PARPBP: variants seen among roughly 807,000 people sequenced by gnomAD.
PARPBP encodes the protein PARP1 binding protein.
PARPBP carries 52 observed loss-of-function variants against 50.0 expected under a neutral mutation model. The observed-to-expected ratio is 1.04, with a 90% CI of 0.83 to 1.31. PARPBP has a LOEUF of 1.31. PARPBP is among the 50% of genes most tolerant of loss of function. The probability of loss-of-function intolerance (pLI) is 0.00; values close to 1 mark genes in which losing one functional copy is unlikely to be tolerated. For missense variants in PARPBP, 697 were observed against 672.0 expected (o/e 1.04, Z -0.41); for synonymous variants, 244 against 232.1 (o/e 1.05, Z -0.47).
chr12:102,140,949 T>C (rs1884489156), intron 2 of PARPBP, among the ~76,000 whole-genome samples: 1 of 152,236 alleles, frequency 6.6e-6, no homozygotes, highest in African/African-American at 2.4e-5. Flanking sequence ...CTGAGAAGAA[T>C]GTATATTCTG....
chr12:102,144,340 A>G (rs910457022), intron 2 of PARPBP, among the ~76,000 whole-genome samples: 4 of 152,226 alleles, frequency 2.6e-5, no homozygotes, highest in Admixed American at 6.5e-5. Flanking sequence ...TATGTCCATC[A>G]GAGAATTAAA....
At chr12:102,157,199 A>G (rs118034111) in intron 4 of PARPBP, among the ~76,000 whole-genome samples, 6,986 of 152,256 alleles carry the variant, frequency 0.046, 219 homozygotes, top group South Asian at 0.086. Flanking sequence ...TAGATTTAAT[A>G]AAGTGTTTTA....
At chr12:102,141,134 C>G (rs1417097357) in intron 2 of PARPBP, among the ~76,000 whole-genome samples, 2 of 152,146 alleles carry the variant, frequency 1.3e-5, no homozygotes, top group Non-Finnish European at 2.9e-5. Flanking sequence ...CTTGATAGGT[C>G]TCTAAGGACT....
chr12:102,134,856 T>C (rs1883387076), intron 2 of PARPBP, among the ~76,000 whole-genome samples: 1 of 152,138 alleles, frequency 6.6e-6, no homozygotes, highest in African/African-American at 2.4e-5. Flanking sequence ...CTTTTATTTT[T>C]TTATAGAGAC....
intron 6 of PARPBP, among the ~76,000 whole-genome samples, chr12:102,169,573 C>A (rs1888484298): frequency 6.6e-6 from 1 of 152,178 alleles, no homozygotes; most frequent in Non-Finnish European, 1.5e-5. Flanking sequence ...TCTTTCTCCT[C>A]ATCTCTTCCT....
At chr12:102,136,929 TTTTTG>T (rs998252968) in intron 2 of PARPBP, among the ~76,000 whole-genome samples, 35 of 151,920 alleles carry the variant, frequency 2.3e-4, no homozygotes, top group African/African-American at 8.0e-4. Context: ...TCTCTTTTGG[TTTTTG>T]TTTTGTTTTG....
At chr12:102,160,927 A>G (rs1320182964) in intron 4 of PARPBP, among the ~76,000 whole-genome samples, 1 of 151,524 alleles carries the variant, frequency 6.6e-6, no homozygotes, top group East Asian at 2.0e-4. Context: ...CAGCCTGGGC[A>G]ACAAGAGGGA....
At chr12:102,175,432 A>G (rs748722576) in intron 6 of PARPBP, 51 bp from the exon 7 acceptor site, 3 of 1,164,772 alleles carry the variant, frequency 2.6e-6, no homozygotes, top group African/African-American at 1.5e-5. Flanking sequence ...GTCTATAAGC[A>G]TATTATAATT....
At chr12:102,120,531 C>T (rs1440228249) in intron 1 of PARPBP, 1 of 456,274 alleles carries the variant, frequency 2.2e-6, no homozygotes, top group Non-Finnish European at 4.4e-6. Flanking sequence ...GAAGACAGGC[C>T]CGTAGAGGCC....
chr12:102,123,945 T>A lies in PARPBP; in HGVS notation c.57T>A (p.Asn19Lys), dbSNP rs892759861. Residue 19 changes from asparagine to lysine, a missense_variant, in exon 2 of 11, where the codon AAT (asparagine) becomes AAA (lysine). Coordinates refer to ENST00000327680, the MANE Select transcript of PARPBP (RefSeq NM_017915.5). ...ATATGATTAAAGAGTTTCGAAAAAA[T>A]TGGCGTGCTCTTTGTAACTCTGAGA... ...VSDMIKEFRK[N>K]WRALCNSERT... 1 of 1,534,768 alleles carries A rather than the reference T, an allele frequency of 6.5e-7. No individual in the cohort carries two copies. The highest frequency in any genetic ancestry group is 2.4e-5 in the East Asian group (1 of 40,890).
chr12:102,127,048 A>G (rs1882104562), intron 2 of PARPBP, among the ~76,000 whole-genome samples: 1 of 152,126 alleles, frequency 6.6e-6, no homozygotes, highest in Non-Finnish European at 1.5e-5. Flanking sequence ...TAGGTTCCTT[A>G]TTTAAGTAGT....
intron 2 of PARPBP, among the ~76,000 whole-genome samples, chr12:102,129,556 G>GT (rs1285213430): frequency 3.9e-5 from 6 of 152,070 alleles, no homozygotes; most frequent in East Asian, 1.9e-4. Context: ...TTTTTCCTCT[G>GT]TTTTTTTCTA....
intron 4 of PARPBP, among the ~76,000 whole-genome samples, chr12:102,158,563 G>T (rs1887216409): frequency 6.6e-6 from 1 of 152,056 alleles, no homozygotes; most frequent in Admixed American, 6.5e-5. Flanking sequence ...CCCAGACCTG[G>T]TTCCTTTTAG....
At chr12:102,155,656 A>G (rs902998862) in intron 4 of PARPBP, among the ~76,000 whole-genome samples, 1 of 151,186 alleles carries the variant, frequency 6.6e-6, no homozygotes, top group Non-Finnish European at 1.5e-5. Context: ...AGGAACTTCA[A>G]CACCCTTTGG....
chr12:102,189,509 A>T (rs1274154847), intron 9 of PARPBP, among the ~76,000 whole-genome samples: 1 of 152,222 alleles, frequency 6.6e-6, no homozygotes, highest in Non-Finnish European at 1.5e-5. Flanking sequence ...TTATCCGCAC[A>T]TGGCTAGCAC....
At chr12:102,124,142 T>C (rs949889052) in intron 2 of PARPBP, 101 bp downstream of exon 2, 21 of 780,220 alleles carry the variant, frequency 2.7e-5, no homozygotes, top group African/African-American at 7.0e-5. Flanking sequence ...TTCTTTACAT[T>C]ATGTGCCCTT....
intron 2 of PARPBP, among the ~76,000 whole-genome samples, chr12:102,124,852 A>G (rs528793759): frequency 2.0e-5 from 3 of 152,282 alleles, no homozygotes; most frequent in Admixed American, 2.0e-4. Flanking sequence ...TAGACAGTAA[A>G]ATTTCTAAAA....
intron 2 of PARPBP, among the ~76,000 whole-genome samples, chr12:102,125,112 T>G (rs1305399920): frequency 6.6e-6 from 1 of 152,128 alleles, no homozygotes; most frequent in Non-Finnish European, 1.5e-5. Context: ...GACAAAATGT[T>G]ATTTTATTTT....
chr12:102,136,828 G>C (rs531886137), intron 2 of PARPBP, among the ~76,000 whole-genome samples: 2 of 152,252 alleles, frequency 1.3e-5, no homozygotes, highest in Admixed American at 1.3e-4. Flanking sequence ...GTGCATTCGT[G>C]AGTAGCATAT....
Sources: gnomAD v4.1 joint callset for allele counts (sites outside exome capture counted in the v4.1 genomes callset) on GRCh38, gnomAD v4.1.1 for gene constraint, MANE v1.5 for transcripts, NCBI Gene and HGNC (gene_info 2026-07-23, HGNC 2026-07-21) for gene names.